Variants in JPH2 observed in about 807,000 individuals in gnomAD.
The protein encoded by JPH2 is junctophilin-2.
Under a neutral mutation model 55.9 loss-of-function variants are expected in JPH2, and 38 were observed. That is an observed-to-expected ratio of 0.68 (90% CI 0.52 to 0.89). The LOEUF is 0.89. JPH2 is among the 40% of genes least tolerant of loss of function. The probability of loss-of-function intolerance (pLI) is 0.00; values close to 1 mark genes in which losing one functional copy is unlikely to be tolerated. For synonymous variants in JPH2, 480 were observed against 472.4 expected (o/e 1.02, Z -0.21); for missense variants, 964 against 1,037.6 (o/e 0.93, Z 0.97).
intron 2 of JPH2, among the ~76,000 whole-genome samples, chr20:44,154,226 T>C (rs2145874507): frequency 6.6e-6 from 1 of 152,326 alleles, no homozygotes; most frequent in Middle Eastern, 3.4e-3. Flanking sequence ...TAATGTTAAA[T>C]GTTCTAGTAG....
chr20:44,149,574 C>T (rs1196738380), intron 2 of JPH2, among the ~76,000 whole-genome samples: 2 of 152,220 alleles, frequency 1.3e-5, no homozygotes, highest in Non-Finnish European at 2.9e-5. Flanking sequence ...GCTGCTCCAT[C>T]CCACTGCCTG....
chr20:44,180,335 A>ATT (rs750039814), intron 1 of JPH2, among the ~76,000 whole-genome samples: 29 of 149,526 alleles, frequency 1.9e-4, no homozygotes, highest in African/African-American at 6.9e-4. Flanking sequence ...TATTATATTT[A>ATT]TTTTATTTTT....
chr20:44,155,425 T>C (rs2072558928), intron 2 of JPH2, among the ~76,000 whole-genome samples: 1 of 152,206 alleles, frequency 6.6e-6, no homozygotes, highest in African/African-American at 2.4e-5. Context: ...ATATTTAGTG[T>C]AATTATTTAA....
At chr20:44,157,530 C>T (rs2072574421) in intron 2 of JPH2, among the ~76,000 whole-genome samples, 1 of 152,226 alleles carries the variant, frequency 6.6e-6, no homozygotes, top group Non-Finnish European at 1.5e-5. Context: ...TAATCTTCAT[C>T]TCTAAGTCTG....
At position 44,108,089 on chromosome 20, in the gene JPH2, A is replaced by T. The variant is rs2206633; in HGVS notation, c.*5429T>A. 6.6e-6 allele frequency among the ~76,000 whole-genome samples: 1 copy of T among 151,956 alleles called. No homozygotes were observed. On this transcript the variant is annotated 3_prime_UTR_variant, in exon 6 of 6. Transcript: ENST00000372980. ...TGGAGGTTAAGTTCAACCATGTGGG[A>T]AATGATTCAATCAATCACCTCTACA...
intron 1 of JPH2, among the ~76,000 whole-genome samples, chr20:44,161,234 C>T (rs1371079514): frequency 6.6e-6 from 1 of 152,078 alleles, no homozygotes; most frequent in East Asian, 1.9e-4. Context: ...TGTAGCACTC[C>T]AGGCTGAGTG....
chr20:44,178,041 C>G, intron 1 of JPH2: 3 of 795,686 alleles, frequency 3.8e-6, no homozygotes, highest in South Asian at 1.3e-5. Context: ...TGGTTAAGAA[C>G]CGGCACAGCT....
At chr20:44,147,683 G>A (rs2072502442) in intron 2 of JPH2, among the ~76,000 whole-genome samples, 2 of 152,178 alleles carry the variant, frequency 1.3e-5, no homozygotes, top group Non-Finnish European at 2.9e-5. Flanking sequence ...TTTTGCGTGT[G>A]TAAGATCTTC....
chr20:44,145,891 T>C (rs1024026728), intron 2 of JPH2, among the ~76,000 whole-genome samples: 11 of 152,068 alleles, frequency 7.2e-5, no homozygotes, highest in African/African-American at 2.4e-4. Flanking sequence ...AATGAGCACG[T>C]TGGGCCTCCT....
In JPH2 at chr20:44,118,554, G is replaced by A; in HGVS notation, c.1239C>T (p.Asn413=). Residue 413 remains asparagine, a synonymous_variant, in exon 3 of 6, where the codon AAC becomes AAT. Transcript: ENST00000372980. ...QAALAANQES[N]IARTLARELA... The stretch of plus-strand genomic sequence containing the variant: ...GCTCCCTGGCCAAAGTGCGAGCAAT[G>A]TTGGACTCCTGGTTGGCAGCCAGGG... 1.2e-6 allele frequency: 2 copies of A among 1,613,344 alleles called. No individual in the cohort carries two copies.
chr20:44,121,026 G>T lies in JPH2; in HGVS notation c.1170-2403C>A, dbSNP rs576112214. Among the ~76,000 whole-genome samples the T allele has an allele frequency of 3.3e-5, 5 of 151,760 alleles. No homozygotes were observed. In the East Asian group the frequency reaches 7.8e-4, roughly 24 times the overall value. On this transcript the variant is annotated intron_variant, in intron 2 of 5. Coordinates refer to ENST00000372980, the MANE Select transcript of JPH2 (RefSeq NM_020433.5). ...TTAATAAAATGCAATTAAATAAAAA[G>T]TACCTAATTATAATTGTGAAATATG...
chr20:44,175,255 C>T (rs2072725168), intron 1 of JPH2, among the ~76,000 whole-genome samples: 2 of 152,212 alleles, frequency 1.3e-5, no homozygotes, highest in African/African-American at 2.4e-5. Context: ...CTAGCAGGCA[C>T]TCAATAAATA....
rs140538587 is a variant in JPH2 at position 44,160,382 on chromosome 20, G to A, written c.405C>T (p.Asn135=). The change falls in exon 2 of 6, where the codon AAC becomes AAT. Residue 135 remains asparagine (N), a synonymous_variant. Transcript: ENST00000372980. This position sits in a 1 kb window ranked among gnomAD's most constrained non-coding sequence, Gnocchi z 4.9. ...DGGTYQGQFT[N]GMRHGYGVRQ... The stretch of plus-strand genomic sequence containing the variant: ...GTACTCCGTAGCCATGGCGCATGCC[G>A]TTGGTGAACTGGCCTTGGTACGTCC... 1.1e-5 allele frequency: 18 copies of A among 1,608,632 alleles called. No individual in the cohort carries two copies. The highest frequency in any genetic ancestry group is 4.0e-5 in the African/African-American group (3 of 74,860).
chr20:44,115,701 G>A lies in JPH2; in HGVS notation c.1974C>T (p.Ala658=), dbSNP rs554320907. ...CCACCTCCGCCTCTGCCGCCAGTGC[G>A]GCCTCCTTCCGCGCCTTCTTCTTGG... ...AGAKKKARKE[A]ALAAEAEVEV... The change falls in exon 4 of 6, where the codon GCC becomes GCT. Residue 658 remains alanine (A), a synonymous_variant. Coordinates refer to ENST00000372980, the MANE Select transcript of JPH2 (RefSeq NM_020433.5). 31 of 1,613,296 alleles carry A rather than the reference G, an allele frequency of 1.9e-5. No homozygotes were observed. Among genetic ancestry groups the A allele is most frequent in the East Asian group, 2.2e-5 (1 of 44,860 alleles).
At chr20:44,180,449 A>C (rs1234082609) in intron 1 of JPH2, among the ~76,000 whole-genome samples, 1 of 151,810 alleles carries the variant, frequency 6.6e-6, no homozygotes, top group Non-Finnish European at 1.5e-5. Context: ...CTCCCACCTT[A>C]GCCTCTCAAG....
At position 44,157,932 on chromosome 20, in the gene JPH2, C is replaced by G. The variant is rs74413231; in HGVS notation, c.1169+1686G>C. 3.7e-4 allele frequency among the ~76,000 whole-genome samples: 56 copies of G among 152,214 alleles called. No homozygotes were observed. The East Asian group carries it at 0.011, about 29-fold the overall frequency. On this transcript the variant is annotated intron_variant, in intron 2 of 5. Transcript: ENST00000372980. Reference sequence around the variant, plus strand: ...TGCTGCTGTCCCTGCTCCTGTACCCCACTTTTGCTGGGTTGAAAAGGTTGA... The same window carrying G: ...TGCTGCTGTCCCTGCTCCTGTACCCGACTTTTGCTGGGTTGAAAAGGTTGA...
chr20:44,130,039 G>A (rs990873909), intron 2 of JPH2, among the ~76,000 whole-genome samples: 10 of 150,286 alleles, frequency 6.7e-5, no homozygotes, highest in African/African-American at 2.0e-4. Flanking sequence ...TTAAGCCACC[G>A]AGTTTGTAGT....
intron 2 of JPH2, among the ~76,000 whole-genome samples, chr20:44,137,329 G>A (rs2072420705): frequency 6.8e-6 from 1 of 146,814 alleles, no homozygotes; most frequent in African/African-American, 2.5e-5. Flanking sequence ...ATAAGGACAA[G>A]GCGCCCAGGA....
rs1306992705 is a variant in JPH2, at chr20:44,160,661, C to G, written c.380-254G>C. Reference sequence around the variant, plus strand: ...GTGGGAACATGGCAAGGTCACAAGTCGTGAACGGATAAGCTAGTGAGTTCG... The same window carrying G: ...GTGGGAACATGGCAAGGTCACAAGTGGTGAACGGATAAGCTAGTGAGTTCG... On this transcript the variant is annotated intron_variant, in intron 1 of 5. Coordinates refer to ENST00000372980, the MANE Select transcript of JPH2 (RefSeq NM_020433.5). The surrounding 1 kb of genome is among the most constrained non-coding windows in gnomAD (Gnocchi z 4.9). Among the ~76,000 whole-genome samples, 1 of 152,214 alleles carries G rather than the reference C, an allele frequency of 6.6e-6. No individual in the cohort carries two copies. Among genetic ancestry groups the G allele is most frequent in the Non-Finnish European group, 1.5e-5 (1 of 68,052 alleles).
Sources: gnomAD v4.1 joint callset for allele counts (sites outside exome capture counted in the v4.1 genomes callset) on GRCh38, gnomAD v4.1.1 for gene constraint, Gnocchi (gnomAD v3.1) non-coding constraint, MANE v1.5 for transcripts, NCBI Gene and HGNC (gene_info 2026-07-23, HGNC 2026-07-21) for gene names.